Variants in DLGAP2 observed in about 807,000 individuals in gnomAD.
DLGAP2 encodes disks large-associated protein 2.
Under a neutral mutation model 100.3 loss-of-function variants are expected in DLGAP2, and 26 were observed. The ratio of observed to expected loss-of-function variants is 0.26; its 90% CI spans 0.19 to 0.36. The LOEUF is 0.36. DLGAP2 is among the 10% of genes least tolerant of loss of function. The probability of loss-of-function intolerance (pLI) is 1.00; values close to 1 mark genes in which losing one functional copy is unlikely to be tolerated. For missense variants in DLGAP2, 1,858 were observed against 1,453.2 expected, an observed-to-expected ratio of 1.28 and a Z score of -4.53; for synonymous variants, 886 against 630.1, an observed-to-expected ratio of 1.41 and a Z score of -6.08.
intron 1 of DLGAP2, among the ~76,000 whole-genome samples, chr8:807,147 GGT>G (rs768534854): frequency 1.8e-4 from 28 of 152,336 alleles, no homozygotes; most frequent in Middle Eastern, 6.8e-3. Flanking sequence ...CCAGTGGGCT[GGT>G]GGCACGACAT....
At chr8:1,213,045 G>T (rs1290339762) in intron 2 of DLGAP2, among the ~76,000 whole-genome samples, 1 of 152,066 alleles carries the variant, frequency 6.6e-6, no homozygotes, top group Non-Finnish European at 1.5e-5. Flanking sequence ...ATGAGAATTT[G>T]GGAGGCCACA....
chr8:1,479,616 TAG>T (rs1361987092), intron 3 of DLGAP2, among the ~76,000 whole-genome samples: 1 of 151,980 alleles, frequency 6.6e-6, no homozygotes, highest in Non-Finnish European at 1.5e-5. Context: ...CAATAAATGG[TAG>T]AGTTTGCTCT....
At chr8:1,164,752 G>A (rs1796981628) in intron 2 of DLGAP2, among the ~76,000 whole-genome samples, 1 of 152,112 alleles carries the variant, frequency 6.6e-6, no homozygotes, top group Non-Finnish European at 1.5e-5. Flanking sequence ...AATGTCTGAG[G>A]TCTATGTGAA....
chr8:1,222,391 G>C (rs577752648), intron 2 of DLGAP2, among the ~76,000 whole-genome samples: 2 of 152,234 alleles, frequency 1.3e-5, no homozygotes, highest in South Asian at 4.1e-4. Context: ...CTCTAACCCT[G>C]GGGGGCTAGG....
At chr8:782,390 T>C (rs149946551) in intron 1 of DLGAP2, among the ~76,000 whole-genome samples, 174 of 152,294 alleles carry the variant, frequency 1.1e-3, no homozygotes, top group Middle Eastern at 3.4e-3. Context: ...TGACATATTA[T>C]ATTAATACAT....
intron 4 of DLGAP2, among the ~76,000 whole-genome samples, chr8:1,509,727 C>A (rs920219820): frequency 6.6e-6 from 1 of 152,098 alleles, no homozygotes; most frequent in Non-Finnish European, 1.5e-5. Context: ...CGTAACCTTC[C>A]TACCTCGTTG....
chr8:1,618,855 C>CTGGCACCTGTCCAGTAGACACGAG (rs1797240403), intron 6 of DLGAP2, among the ~76,000 whole-genome samples: 1 of 152,162 alleles, frequency 6.6e-6, no homozygotes, highest in African/African-American at 2.4e-5. Context: ...CATGGCATCT[C>CTGGCACCTGTCCAGTAGACACGAG]TGGCACCTGT....
At chr8:976,153 A>T (rs933253863) in intron 2 of DLGAP2, among the ~76,000 whole-genome samples, 2 of 152,236 alleles carry the variant, frequency 1.3e-5, no homozygotes, top group Non-Finnish European at 2.9e-5. Context: ...TAAGATCTGT[A>T]TGAAGAAAGC....
chr8:1,304,133 G>A (rs1292817297), intron 3 of DLGAP2, among the ~76,000 whole-genome samples: 5 of 152,200 alleles, frequency 3.3e-5, no homozygotes, highest in African/African-American at 1.2e-4. Context: ...TCATGAAATT[G>A]CAAGTGAAGC....
At chr8:1,380,145 A>G (rs149619465) in intron 3 of DLGAP2, 7 of 152,290 alleles carry the variant, frequency 4.6e-5, no homozygotes, top group Admixed American at 1.3e-4. Context: ...CAGTAGTTCA[A>G]TAAACACTTT....
chr8:1,289,695 G>C (rs1304308299), intron 3 of DLGAP2, among the ~76,000 whole-genome samples: 1 of 152,140 alleles, frequency 6.6e-6, no homozygotes. Context: ...TGTTCTCACA[G>C]AAGTACCCCC....
intron 2 of DLGAP2, among the ~76,000 whole-genome samples, chr8:1,110,088 CGGGTCTGTGAGGTGTGCAT>C (rs1328603731): frequency 3.8e-5 from 4 of 106,374 alleles, no homozygotes; most frequent in Non-Finnish European, 7.4e-5. Flanking sequence ...GAGGTGTGCA[CGGGTCTGTGAGGTGTGCAT>C]GGGTCTGTGA....
intron 6 of DLGAP2, among the ~76,000 whole-genome samples, chr8:1,601,281 G>A (rs4876106): frequency 0.42 from 63,075 of 151,866 alleles, 13,142 homozygotes; most frequent in Non-Finnish European, 0.42. Flanking sequence ...GATGCCAGCC[G>A]GAGCTCTCCT....
intron 8 of DLGAP2, among the ~76,000 whole-genome samples, chr8:1,653,487 A>C (rs961105813): frequency 6.6e-6 from 1 of 152,298 alleles, no homozygotes; most frequent in South Asian, 2.1e-4. Context: ...AGCTAGCTCA[A>C]ACTGATGCTT....
chr8:1,323,486 G>A (rs1563082867), intron 3 of DLGAP2, among the ~76,000 whole-genome samples: 1 of 152,200 alleles, frequency 6.6e-6, no homozygotes, highest in Non-Finnish European at 1.5e-5. Context: ...ACCCCACACT[G>A]TGGCTCCTGC....
At chr8:950,310 G>A (rs1799446223) in intron 2 of DLGAP2, among the ~76,000 whole-genome samples, 1 of 152,148 alleles carries the variant, frequency 6.6e-6, no homozygotes, top group Non-Finnish European at 1.5e-5. Flanking sequence ...CAATTTGACA[G>A]GGACGCAGAT....
At chr8:965,522 G>A (rs1403258750) in intron 2 of DLGAP2, among the ~76,000 whole-genome samples, 47 of 110,392 alleles carry the variant, frequency 4.3e-4, no homozygotes, top group East Asian at 1.4e-3. Flanking sequence ...TGACCCCTGC[G>A]CTGCACACGG....
intron 1 of DLGAP2, among the ~76,000 whole-genome samples, chr8:816,886 A>T (rs935350997): frequency 6.6e-6 from 1 of 152,220 alleles, no homozygotes; most frequent in East Asian, 1.9e-4. Flanking sequence ...CACAGTCCCA[A>T]ACTTCTTAGA....
At chr8:1,373,728 C>T (rs963462431) in intron 3 of DLGAP2, 1 of 152,234 alleles carries the variant, frequency 6.6e-6, no homozygotes, top group Non-Finnish European at 1.5e-5. Context: ...GCTGTGGCCT[C>T]TCCAGCTCAG....
Sources: gnomAD v4.1 joint callset for allele counts (sites outside exome capture counted in the v4.1 genomes callset) on GRCh38, gnomAD v4.1.1 for gene constraint, MANE v1.5 for transcripts, NCBI Gene and HGNC (gene_info 2026-07-23, HGNC 2026-07-21) for gene names.